ZCCHC7: variants seen among roughly 807,000 people sequenced by gnomAD.
ZCCHC7 encodes zinc finger CCHC domain-containing protein 7.
ZCCHC7 carries 35 observed loss-of-function variants against 52.0 expected under a neutral mutation model. That is an observed-to-expected ratio of 0.67 (90% CI 0.51 to 0.89). The LOEUF (loss-of-function observed/expected upper bound fraction) is 0.89. ZCCHC7 is among the 40% of genes least tolerant of loss of function. ZCCHC7 has a pLI of 0.00. For synonymous variants in ZCCHC7, 217 were observed against 221.5 expected, an observed-to-expected ratio of 0.98 and a Z score of 0.18; for missense variants, 574 against 649.1, an observed-to-expected ratio of 0.88 and a Z score of 1.26.
chr9:37,189,569 G>A (rs1822910007), intron 2 of ZCCHC7, among the ~76,000 whole-genome samples: 1 of 152,098 alleles, frequency 6.6e-6, no homozygotes, highest in African/African-American at 2.4e-5. Context: ...TCTATTTTTA[G>A]TAGAGACGCG....
intron 6 of ZCCHC7, among the ~76,000 whole-genome samples, chr9:37,340,259 G>C (rs1564265742): frequency 3.3e-5 from 5 of 152,014 alleles, no homozygotes. Flanking sequence ...TGAGTTTACT[G>C]GTGCATGAAA....
At position 37,126,454 on chromosome 9, in the gene ZCCHC7, A is replaced by G; in HGVS notation, c.122A>G (p.Tyr41Cys). The G allele has an allele frequency of 6.2e-7, 1 of 1,613,824 alleles. No homozygotes were observed. Among genetic ancestry groups the G allele is most frequent in the Non-Finnish European group, 8.5e-7 (1 of 1,180,022 alleles). The change falls in exon 2 of 9, where the codon TAT (tyrosine) becomes TGT (cysteine). Residue 41 changes from tyrosine (Y) to cysteine (C), a missense_variant. Around this residue, in one of 3 missense-constraint regions of ZCCHC7, gnomAD observed 403 missense variants for 461.2 expected, o/e 0.87. Transcript: ENST00000336755. Reference sequence around the variant, plus strand: ...TTTCAACTCTATAGCCAAATTCATTATGCCCAAGATCTTGATGATGTCATC... The same window carrying G: ...TTTCAACTCTATAGCCAAATTCATTGTGCCCAAGATCTTGATGATGTCATC... ...VEFQLYSQIH[Y>C]AQDLDDVIRE...
chr9:37,134,452 G>C (rs1289196783), intron 2 of ZCCHC7, among the ~76,000 whole-genome samples: 2 of 151,906 alleles, frequency 1.3e-5, no homozygotes, highest in African/African-American at 4.8e-5. Context: ...AGGTTCATTT[G>C]TTTCACTTTG....
intron 2 of ZCCHC7, among the ~76,000 whole-genome samples, chr9:37,222,375 GT>G: frequency 7.7e-6 from 1 of 130,146 alleles, no homozygotes; most frequent in South Asian, 2.5e-4. Flanking sequence ...GTGTGTGTGT[GT>G]GTTTTCAAGT....
At chr9:37,319,965 C>T (rs1829986353) in intron 5 of ZCCHC7, among the ~76,000 whole-genome samples, 2 of 152,116 alleles carry the variant, frequency 1.3e-5, no homozygotes, top group African/African-American at 2.4e-5. Flanking sequence ...GATTCCTGTG[C>T]TCTATTTTGT....
intron 2 of ZCCHC7, among the ~76,000 whole-genome samples, chr9:37,256,375 A>G (rs1191131897): frequency 6.6e-6 from 1 of 152,164 alleles, no homozygotes; most frequent in Non-Finnish European, 1.5e-5. Context: ...TGTTGCTAGT[A>G]ATACTAAGAA....
At chr9:37,148,194 T>C (rs1296776039) in intron 2 of ZCCHC7, among the ~76,000 whole-genome samples, 2 of 152,136 alleles carry the variant, frequency 1.3e-5, no homozygotes, top group Non-Finnish European at 2.9e-5. Context: ...ATATTTGATA[T>C]GTATTCATTT....
At chr9:37,290,011 A>G (rs1828458876) in intron 2 of ZCCHC7, among the ~76,000 whole-genome samples, 1 of 152,120 alleles carries the variant, frequency 6.6e-6, no homozygotes, top group Non-Finnish European at 1.5e-5. Context: ...CCCGTACCCA[A>G]TTTCCATTAC....
chr9:37,307,294 G>GT (rs1459527329), intron 5 of ZCCHC7, among the ~76,000 whole-genome samples: 1 of 152,132 alleles, frequency 6.6e-6, no homozygotes, highest in Admixed American at 6.5e-5. Flanking sequence ...GGAATATGTA[G>GT]TTTTCTACAT....
At chr9:37,180,322 G>A (rs941910868) in intron 2 of ZCCHC7, among the ~76,000 whole-genome samples, 47 of 151,956 alleles carry the variant, frequency 3.1e-4, no homozygotes, top group African/African-American at 7.2e-4. Flanking sequence ...TCCTGTAAAC[G>A]TCCTCTAGGG....
intron 2 of ZCCHC7, among the ~76,000 whole-genome samples, chr9:37,280,473 A>G (rs886499772): frequency 6.6e-6 from 1 of 152,212 alleles, no homozygotes; most frequent in African/African-American, 2.4e-5. Context: ...AAGATAGACC[A>G]TATATATGGT....
Position 37,126,884 on chromosome 9 carries a change from T to C in ZCCHC7, c.552T>C (p.Asp184=). Residue 184 remains aspartate (D), a synonymous_variant, in exon 2 of 9, where the codon GAT becomes GAC. Coordinates refer to ENST00000336755, the MANE Select transcript of ZCCHC7 (RefSeq NM_032226.3). ...ESWMLLGCEV[D]DKDDDILLNL... is the part of the protein sequence containing the mutation. The stretch of plus-strand genomic sequence containing the variant: ...GGATGCTACTGGGATGTGAAGTAGA[T>C]GATAAAGATGATGATATCCTTCTCA... 6.2e-7 allele frequency: 1 copy of C among 1,614,152 alleles called. No homozygotes were observed. Among genetic ancestry groups the C allele is most frequent in the Non-Finnish European group, 8.5e-7 (1 of 1,180,016 alleles).
intron 2 of ZCCHC7, chr9:37,144,877 T>C (rs1843369967): frequency 6.6e-6 from 1 of 152,012 alleles, no homozygotes; most frequent in Admixed American, 6.6e-5. Flanking sequence ...TCTGGAGCAG[T>C]TGAAAACAGG....
chr9:37,148,839 G>GT (rs1196245556), intron 2 of ZCCHC7, among the ~76,000 whole-genome samples: 1 of 152,116 alleles, frequency 6.6e-6, no homozygotes, highest in East Asian at 1.9e-4. Flanking sequence ...GCCTAGAAAT[G>GT]TAAGTAGCAA....
chr9:37,317,217 C>G (rs1829861756), intron 5 of ZCCHC7, among the ~76,000 whole-genome samples: 1 of 152,140 alleles, frequency 6.6e-6, no homozygotes. Flanking sequence ...CAGACTTCTC[C>G]TGTATAGTAC....
At chr9:37,259,325 TAAATA>T (rs1826750746) in intron 2 of ZCCHC7, among the ~76,000 whole-genome samples, 1 of 152,046 alleles carries the variant, frequency 6.6e-6, no homozygotes, top group Non-Finnish European at 1.5e-5. Flanking sequence ...AGATAGTAAA[TAAATA>T]ATACCTTATC....
rs141901571 is a variant in ZCCHC7, at chr9:37,190,236, C to T, written c.610+63294C>T. Among the ~76,000 whole-genome samples, 291 of 152,284 alleles carry T rather than the reference C, an allele frequency of 1.9e-3. 3 individuals carry two copies. The highest frequency in any genetic ancestry group is 4.2e-3 in the African/African-American group (176 of 41,570). Reference sequence around the variant, plus strand: ...CCCACTGCTGCTGCTGTCACTGCTTCCACCACCATCTTGTTTGCTCAGGGG... The same window carrying T: ...CCCACTGCTGCTGCTGTCACTGCTTTCACCACCATCTTGTTTGCTCAGGGG... On this transcript the variant is annotated intron_variant, in intron 2 of 8. Transcript: ENST00000336755.
Position 37,156,440 on chromosome 9 carries a change from G to A in ZCCHC7, c.610+29498G>A, listed in dbSNP as rs185109423. 2.6e-5 allele frequency among the ~76,000 whole-genome samples: 4 copies of A among 152,248 alleles called. No individual in the cohort carries two copies. In the East Asian group the frequency reaches 5.8e-4, roughly 22 times the overall value. On this transcript the variant is annotated intron_variant, in intron 2 of 8. Coordinates refer to ENST00000336755, the MANE Select transcript of ZCCHC7 (RefSeq NM_032226.3). ...TCATATTTTATCTTTTCCCGTAAAC[G>A]CCACAGCATATAATAGAGTGCCCTG... is the stretch of plus-strand genomic sequence containing the variant.
chr9:37,309,181 T>G (rs2133739200), intron 5 of ZCCHC7, among the ~76,000 whole-genome samples: 1 of 152,222 alleles, frequency 6.6e-6, no homozygotes, highest in South Asian at 2.1e-4. Flanking sequence ...TGGTGTAGGA[T>G]TCCCTCGCAG....
Sources: allele counts gnomAD v4.1 joint callset (sites outside exome capture counted in the v4.1 genomes callset), GRCh38; gene constraint gnomAD v4.1.1; regional missense constraint gnomAD v4.1.1; transcripts MANE v1.5; gene names NCBI Gene and HGNC (gene_info 2026-07-23, HGNC 2026-07-21).